MMP2: variants seen among roughly 807,000 people sequenced by gnomAD.
MMP2 encodes 72 kDa type IV collagenase.
In MMP2, 39 loss-of-function variants were observed where a neutral mutation model predicts 74.8. That is an observed-to-expected ratio of 0.52 (90% CI 0.40 to 0.68). The LOEUF is 0.68. MMP2 is among the 30% of genes least tolerant of loss of function. The pLI is 0.00. For synonymous variants in MMP2, 367 were observed against 339.8 expected (o/e 1.08, Z -0.88); for missense variants, 803 against 878.3 (o/e 0.91, Z 1.08).
rs188721266 is a variant in MMP2, at chr16:55,500,222, A to G, written c.1769+1774A>G. ...CCAGCTCCAGACACTAGCCCCAGAC[A>G]GTGTGCACGCACACGCACACACACA... On this transcript the variant is annotated intron_variant, in intron 11 of 12. Coordinates refer to ENST00000219070, the MANE Select transcript of MMP2 (RefSeq NM_004530.6). Among the ~76,000 whole-genome samples the G allele has an allele frequency of 2.1e-3, 321 of 152,130 alleles. 1 individual carries two copies. Among genetic ancestry groups the G allele is most frequent in the Middle Eastern group, 0.01 (3 of 294 alleles).
At chr16:55,498,495 G>C in intron 11 of MMP2, 47 bp downstream of exon 11, 1 of 1,613,404 alleles carries the variant, frequency 6.2e-7, no homozygotes, top group Non-Finnish European at 8.5e-7. Context: ...GGCTGCGAGA[G>C]ACAGAGAAGC....
chr16:55,487,613 C>T (rs1366516352), intron 5 of MMP2: 1 of 152,282 alleles, frequency 6.6e-6, no homozygotes, highest in Non-Finnish European at 1.5e-5. Context: ...GGTGAGGTCA[C>T]CTCTGGCGCC....
intron 10 of MMP2, among the ~76,000 whole-genome samples, chr16:55,497,773 C>A (rs17859981): frequency 0.011 from 1,642 of 152,220 alleles, 23 homozygotes; most frequent in African/African-American, 0.033. Flanking sequence ...TCTGCCTTCG[C>A]GATGCTCACA....
At chr16:55,492,018 G>A in intron 8 of MMP2, 62 bp downstream of exon 8, 5 of 1,528,874 alleles carry the variant, frequency 3.3e-6, no homozygotes, top group South Asian at 1.2e-5. Context: ...TGTAGCCTGG[G>A]ATGGAGGCCC....
chr16:55,498,437 C>T lies in MMP2; in HGVS notation c.1758C>T (p.Asp586=). The T allele has an allele frequency of 6.2e-7, 1 of 1,614,198 alleles. No homozygotes were observed. The highest frequency in any genetic ancestry group is 8.5e-7 in the Non-Finnish European group (1 of 1,180,026). Residue 586 remains aspartate, a synonymous_variant, in exon 11 of 13, where the codon GAC becomes GAT. Coordinates refer to ENST00000219070, the MANE Select transcript of MMP2 (RefSeq NM_004530.6). The stretch of plus-strand genomic sequence containing the variant: ...AGAAGACATACATCTTTGCTGGAGA[C>T]AAATTCTGGAGGTAAGGGAGGGCGG... The part of the protein sequence containing the change: ...KNKKTYIFAG[D]KFWRYNEVKK...
At chr16:55,496,161 T>C (rs1962523627) in intron 9 of MMP2, among the ~76,000 whole-genome samples, 1 of 152,312 alleles carries the variant, frequency 6.6e-6, no homozygotes, top group East Asian at 1.9e-4. Context: ...TATCTGTAGA[T>C]CTCTGTAAGG....
chr16:55,505,309 G>A, intron 12 of MMP2, 30 bp from the exon 13 acceptor site: 2 of 1,565,908 alleles, frequency 1.3e-6, no homozygotes, highest in Non-Finnish European at 1.8e-6. Context: ...CAGGATAAGG[G>A]GGTCACGGTC....
In MMP2 at chr16:55,505,519, G is replaced by A. The variant is rs1962778710; in HGVS notation, c.*77G>A. The A allele has an allele frequency of 8.7e-6, 11 of 1,257,724 alleles. No homozygotes were observed. Among genetic ancestry groups the A allele is most frequent in the South Asian group, 2.4e-5 (2 of 83,822 alleles). 77.9% of individuals were successfully genotyped at this position (1,257,724 alleles called of 1,614,324 possible). A position where few individuals can be genotyped will look rare whatever the true frequency, so the allele number is the denominator to read the frequency against. On this transcript the variant is annotated 3_prime_UTR_variant, in exon 13 of 13. Transcript: ENST00000219070. Reference sequence around the variant, plus strand: ...GGCCTGGAGAACTAGAGAAGGACCCGGAGGGGCCTGGCAGCCGTGCCTTCA... The same window carrying A: ...GGCCTGGAGAACTAGAGAAGGACCCAGAGGGGCCTGGCAGCCGTGCCTTCA...
intron 3 of MMP2, 113 bp from the exon 4 acceptor site, chr16:55,485,186 G>C: frequency 6.7e-7 from 1 of 1,485,412 alleles, no homozygotes; most frequent in Non-Finnish European, 9.4e-7. Flanking sequence ...ACTGGGACAA[G>C]GGAAGGGGAC....
At position 55,505,621 on chromosome 16, in the gene MMP2, G is replaced by T. The variant is rs2142377692; in HGVS notation, c.*179G>T. On this transcript the variant is annotated 3_prime_UTR_variant, in exon 13 of 13. Coordinates refer to ENST00000219070, the MANE Select transcript of MMP2 (RefSeq NM_004530.6). Reference sequence around the variant, plus strand: ...GAGAGTGGCTCCTCCCGGTGCCCAAGAATAGATGCTGACTGTACTCCTCCC... The same window carrying T: ...GAGAGTGGCTCCTCCCGGTGCCCAATAATAGATGCTGACTGTACTCCTCCC... The T allele has an allele frequency of 1.5e-6, 1 of 648,740 alleles. No homozygotes were observed. The highest frequency in any genetic ancestry group is 2.8e-6 in the Non-Finnish European group (1 of 361,214). 40.2% of individuals were successfully genotyped at this position (648,740 alleles called of 1,614,324 possible).
intron 11 of MMP2, among the ~76,000 whole-genome samples, chr16:55,499,105 G>A (rs879938180): frequency 8.7e-5 from 13 of 150,086 alleles, no homozygotes; most frequent in Non-Finnish European, 1.8e-4. Flanking sequence ...GAAGACAGAA[G>A]TTGCAGTGAG....
At chr16:55,480,579 A>G in intron 1 of MMP2, 1 of 152,556 alleles carries the variant, frequency 6.6e-6, no homozygotes, top group Non-Finnish European at 1.5e-5. Context: ...AGGGGCACTG[A>G]GCCTGGCCGC....
intron 1 of MMP2, chr16:55,481,654 C>A: frequency 1.9e-6 from 1 of 522,804 alleles, no homozygotes; most frequent in Non-Finnish European, 3.5e-6. Context: ...TTGAACACCT[C>A]TGACAAATGG....
intron 11 of MMP2, among the ~76,000 whole-genome samples, chr16:55,500,762 G>A (rs1962649985): frequency 6.6e-6 from 1 of 152,218 alleles, no homozygotes; most frequent in Admixed American, 6.5e-5. Context: ...CAAGAGAAGT[G>A]GTGAATGAGC....
rs1477017 is a variant in MMP2, at chr16:55,483,250, A to G, written c.380+115A>G. On this transcript the variant is annotated intron_variant, in intron 2 of 12. Transcript: ENST00000219070. ...ATGAGGTGTCTTTTGTGAAGGCTTG[A>G]CATCTTAGGGAGTTTCAATACACAG... The G allele has an allele frequency of 0.36, 276,327 of 769,062 alleles. 50,300 individuals carry two copies. Among genetic ancestry groups the G allele is most frequent in the Admixed American group, 0.43 (15,946 of 36,950 alleles). 47.6% of individuals were successfully genotyped at this position (769,062 alleles called of 1,614,324 possible).
intron 8 of MMP2, among the ~76,000 whole-genome samples, chr16:55,492,542 A>G (rs1299501518): frequency 6.6e-6 from 1 of 151,880 alleles, no homozygotes; most frequent in Non-Finnish European, 1.5e-5. Context: ...TTAATGGTCC[A>G]GGTGATATCT....
chr16:55,487,054 G>C (rs181066787), intron 5 of MMP2: 1 of 152,188 alleles, frequency 6.6e-6, no homozygotes, highest in Non-Finnish European at 1.5e-5. Flanking sequence ...TGCGTTTCCC[G>C]GTAGGGATTA....
intron 3 of MMP2, among the ~76,000 whole-genome samples, chr16:55,484,575 A>T (rs1245821261): frequency 6.6e-6 from 1 of 152,260 alleles, no homozygotes; most frequent in Admixed American, 6.5e-5. Context: ...GACAGCACAG[A>T]CAAAGAATAT....
intron 9 of MMP2, among the ~76,000 whole-genome samples, chr16:55,495,683 C>A (rs1962514323): frequency 6.6e-6 from 1 of 152,192 alleles, no homozygotes; most frequent in African/African-American, 2.4e-5. Context: ...CAGAGACCAT[C>A]CCTCTGCAAA....
Sources: gnomAD v4.1 joint callset for allele counts (sites outside exome capture counted in the v4.1 genomes callset) on GRCh38, gnomAD v4.1.1 for gene constraint, MANE v1.5 for transcripts, NCBI Gene and HGNC (gene_info 2026-07-23, HGNC 2026-07-21) for gene names.